The following CDH13 variants were observed in gnomAD, a reference collection of about 807,000 sequenced individuals.
The protein encoded by CDH13 is cadherin 13.
A neutral mutation model predicts 63.8 loss-of-function variants in CDH13; 24 were observed. That is an observed-to-expected ratio of 0.38 (90% CI 0.27 to 0.53). The LOEUF (loss-of-function observed/expected upper bound fraction) is 0.53. CDH13 is among the 20% of genes least tolerant of loss of function. The pLI, the probability that CDH13 is intolerant of heterozygous loss-of-function variation, is 0.85. For synonymous variants in CDH13, 503 were observed against 355.3 expected (o/e 1.42, Z -4.67); for missense variants, 1,049 against 903.1 (o/e 1.16, Z -2.07).
intron 10 of CDH13, among the ~76,000 whole-genome samples, chr16:83,715,088 C>T (rs1427246650): frequency 6.6e-6 from 1 of 152,104 alleles, no homozygotes; most frequent in African/African-American, 2.4e-5. Context: ...TTTCTTCATT[C>T]GTTCATGCAT....
intron 7 of CDH13, among the ~76,000 whole-genome samples, chr16:83,596,232 G>T (rs1225561718): frequency 6.6e-6 from 1 of 152,214 alleles, no homozygotes; most frequent in East Asian, 1.9e-4. Context: ...GACAAGTGAA[G>T]AGGCAGGTTG....
At chr16:83,238,232 A>AAG (rs67095159) in intron 5 of CDH13, among the ~76,000 whole-genome samples, 29 of 150,916 alleles carry the variant, frequency 1.9e-4, no homozygotes, top group Admixed American at 9.9e-4. Flanking sequence ...TTAAAAAAAA[A>AAG]AGAGAGATTT....
At chr16:83,000,089 G>T (rs1243425432) in intron 2 of CDH13, among the ~76,000 whole-genome samples, 1 of 152,020 alleles carries the variant, frequency 6.6e-6, no homozygotes, top group Non-Finnish European at 1.5e-5. Context: ...AAAAACCCTG[G>T]TCTATACAGG....
intron 1 of CDH13, chr16:82,823,743 G>A (rs1386028738): frequency 6.6e-6 from 1 of 152,128 alleles, no homozygotes; most frequent in African/African-American, 2.4e-5. Flanking sequence ...AAATGTATAT[G>A]TTAATTTGGA....
intron 7 of CDH13, among the ~76,000 whole-genome samples, chr16:83,597,837 G>A (rs1011603870): frequency 3.3e-5 from 5 of 152,094 alleles, no homozygotes; most frequent in South Asian, 4.1e-4. Context: ...GTTGAACTAC[G>A]AGAGTTATGC....
chr16:82,736,037 A>G (rs2033655183), intron 1 of CDH13, among the ~76,000 whole-genome samples: 1 of 152,246 alleles, frequency 6.6e-6, no homozygotes, highest in South Asian at 2.1e-4. Flanking sequence ...AAAGAGAACC[A>G]ATAAAAGCGA....
At chr16:83,155,915 A>C (rs1444530342) in intron 4 of CDH13, among the ~76,000 whole-genome samples, 1 of 152,126 alleles carries the variant, frequency 6.6e-6, no homozygotes, top group Non-Finnish European at 1.5e-5. Context: ...CCCCAGATGC[A>C]CCCCAATTGC....
intron 7 of CDH13, among the ~76,000 whole-genome samples, chr16:83,529,587 CAT>C (rs2075037856): frequency 6.6e-6 from 1 of 151,834 alleles, no homozygotes. Flanking sequence ...TGAAAAAAAT[CAT>C]AAAAATTCCC....
At chr16:82,820,050 C>G (rs929102826) in intron 1 of CDH13, among the ~76,000 whole-genome samples, 32 of 152,146 alleles carry the variant, frequency 2.1e-4, no homozygotes. Context: ...GGGTTCCTGG[C>G]TGTTCCCTGC....
At chr16:83,223,239 C>G (rs2039749654) in intron 5 of CDH13, among the ~76,000 whole-genome samples, 1 of 152,192 alleles carries the variant, frequency 6.6e-6, no homozygotes, top group African/African-American at 2.4e-5. Flanking sequence ...TAAGGCCATT[C>G]TCTTCTTGCA....
chr16:83,649,477 G>A (rs12933060), intron 8 of CDH13, among the ~76,000 whole-genome samples: 87,812 of 151,992 alleles, frequency 0.58, 25,465 homozygotes, highest in Admixed American at 0.64. Flanking sequence ...TCTTTGTTAC[G>A]CATGTTGTGG....
intron 6 of CDH13, among the ~76,000 whole-genome samples, chr16:83,375,163 C>G (rs2151406039): frequency 6.6e-6 from 1 of 152,338 alleles, no homozygotes; most frequent in African/African-American, 2.4e-5. Context: ...CTGTACTACT[C>G]TCAGGCATGC....
chr16:83,041,472 TAATAAA>T (rs1917324575), intron 3 of CDH13, among the ~76,000 whole-genome samples: 1 of 152,158 alleles, frequency 6.6e-6, no homozygotes, highest in African/African-American at 2.4e-5. Flanking sequence ...TTAATTTTTT[TAATAAA>T]AATATAAAAT....
intron 13 of CDH13, chr16:83,790,323 T>G (rs1890956560): frequency 6.6e-6 from 1 of 152,202 alleles, no homozygotes; most frequent in South Asian, 2.1e-4. Flanking sequence ...CATCTGAAAA[T>G]AAAGGAAATA....
chr16:82,896,411 A>G (rs901913546), intron 2 of CDH13, among the ~76,000 whole-genome samples: 2 of 148,226 alleles, frequency 1.3e-5, no homozygotes, highest in African/African-American at 5.0e-5. Flanking sequence ...CCCACCTCTC[A>G]TCCTCCTGAG....
intron 9 of CDH13, among the ~76,000 whole-genome samples, chr16:83,675,519 C>T (rs1914881738): frequency 6.6e-6 from 1 of 152,198 alleles, no homozygotes; most frequent in African/African-American, 2.4e-5. Flanking sequence ...GGAAATGACT[C>T]TTGCAGCTCT....
chr16:83,465,973 C>G (rs758340543), intron 6 of CDH13, among the ~76,000 whole-genome samples: 1 of 152,194 alleles, frequency 6.6e-6, no homozygotes, highest in Non-Finnish European at 1.5e-5. Flanking sequence ...TTTCCTTCCT[C>G]TACAGGGAGG....
chr16:82,648,263 T>C (rs1386318424), intron 1 of CDH13, among the ~76,000 whole-genome samples: 1 of 152,142 alleles, frequency 6.6e-6, no homozygotes, highest in African/African-American at 2.4e-5. Flanking sequence ...TAAACAGAGG[T>C]AAATACAGGA....
chr16:83,256,757 A>AGGC (rs1421753521), intron 5 of CDH13, among the ~76,000 whole-genome samples: 33 of 149,900 alleles, frequency 2.2e-4, no homozygotes, highest in African/African-American at 7.1e-4. Flanking sequence ...AGGCAGGAGA[A>AGGC]TGGCATGAAC....
Sources: gnomAD v4.1 joint callset for allele counts (sites outside exome capture counted in the v4.1 genomes callset) on GRCh38, gnomAD v4.1.1 for gene constraint, MANE v1.5 for transcripts, NCBI Gene and HGNC (gene_info 2026-07-23, HGNC 2026-07-21) for gene names.